Variants in LETM1 observed in about 807,000 individuals in gnomAD.
LETM1 encodes the protein leucine zipper and EF-hand containing transmembrane protein 1.
LETM1 carries 50 observed loss-of-function variants against 74.5 expected under a neutral mutation model. The ratio of observed to expected loss-of-function variants is 0.67; its 90% confidence interval spans 0.53 to 0.85. The LOEUF (loss-of-function observed/expected upper bound fraction) is 0.85, where lower values mean the gene tolerates loss of function less well. LETM1 is among the 40% of genes least tolerant of loss of function. The pLI is 0.00. For synonymous variants in LETM1, 446 were observed against 407.1 expected, an observed-to-expected ratio of 1.10 and a Z score of -1.15; for missense variants, 824 against 967.8, an observed-to-expected ratio of 0.85 and a Z score of 1.97.
chr4:1,835,262 C>T (rs559866420), intron 4 of LETM1, among the ~76,000 whole-genome samples: 6 of 151,868 alleles, frequency 4.0e-5, no homozygotes, highest in Admixed American at 6.6e-5. Context: ...CTGGCCAACA[C>T]GGTGAAACCC....
chr4:1,846,316 A>G (rs981637841), intron 2 of LETM1, among the ~76,000 whole-genome samples: 2 of 152,174 alleles, frequency 1.3e-5, no homozygotes, highest in African/African-American at 4.8e-5. Context: ...GCTGGAGTAC[A>G]GTGGCGCCAT....
At chr4:1,822,049 C>A in intron 10 of LETM1, 132 bp downstream of exon 10, 1 of 954,602 alleles carries the variant, frequency 1.0e-6, no homozygotes, top group Non-Finnish European at 1.4e-6. Flanking sequence ...ATCCTCAACC[C>A]CTTGCACCAT....
Position 1,832,799 on chromosome 4 carries a change from T to A in LETM1, c.1025A>T (p.Asn342Ile). 1 of 1,614,202 alleles carries A rather than the reference T, an allele frequency of 6.2e-7. No homozygotes were observed. Among genetic ancestry groups the A allele is most frequent in the Non-Finnish European group, 8.5e-7 (1 of 1,180,050 alleles). Residue 342 changes from asparagine (N) to isoleucine (I), a missense_variant, in exon 6 of 14, where the codon AAC becomes ATC. By Grantham distance (149) the Asn-to-Ile change is moderately radical (BLOSUM62 -3). Transcript: ENST00000302787. ...LLELQSIGTN[N>I]FLRFQLTMRL... ...CATGGTAAGCTGGAAGCGCAGGAAG[T>A]TGTTGGTGCCGATGGACTGTAGCTC...
chr4:1,851,651 C>G (rs951835896), intron 1 of LETM1, among the ~76,000 whole-genome samples: 8 of 152,246 alleles, frequency 5.3e-5, no homozygotes, highest in African/African-American at 1.7e-4. Context: ...CCTTCTCACT[C>G]CAGCTGAGAC....
chr4:1,851,454 C>T (rs927956763), intron 1 of LETM1, among the ~76,000 whole-genome samples: 1 of 152,186 alleles, frequency 6.6e-6, no homozygotes, highest in African/African-American at 2.4e-5. Context: ...CCTCATTTAA[C>T]AGGAGGCAAC....
intron 2 of LETM1, chr4:1,842,916 C>G (rs911337669): frequency 1.6e-5 from 4 of 255,830 alleles, no homozygotes; most frequent in Non-Finnish European, 2.4e-5. Flanking sequence ...GAGGCCCATT[C>G]AGCCTCACGA....
At chr4:1,829,683 G>C (rs1712187979) in intron 6 of LETM1, among the ~76,000 whole-genome samples, 1 of 152,200 alleles carries the variant, frequency 6.6e-6, no homozygotes, top group African/African-American at 2.4e-5. Flanking sequence ...TAGCCGGTGT[G>C]GTGGCACAGG....
Position 1,816,932 on chromosome 4 carries a change from G to T in LETM1, c.1744-18C>A. 6.2e-7 allele frequency: 1 copy of T among 1,601,770 alleles called. No individual in the cohort carries two copies. The highest frequency in any genetic ancestry group is 8.5e-7 in the Non-Finnish European group (1 of 1,171,060). ...TGCAAGTCCTAATAAAATTATTTTGGTTGTAAAAAGTTTGTCTTAAAAGAA... is the reference window on the plus strand; with the variant it reads ...TGCAAGTCCTAATAAAATTATTTTGTTTGTAAAAAGTTTGTCTTAAAAGAA... On this transcript the variant is annotated intron_variant, in intron 11 of 13. Coordinates refer to ENST00000302787, the MANE Select transcript of LETM1 (RefSeq NM_012318.3).
In LETM1 at chr4:1,836,687, A is replaced by G; in HGVS notation, c.595-115T>C. ...GGCACAACCTCAGGCAGCGACTCAC[A>G]GGACCCACTGAGGACTCTAAGTTCC... On this transcript the variant is annotated intron_variant, in intron 3 of 13. Coordinates refer to ENST00000302787, the MANE Select transcript of LETM1 (RefSeq NM_012318.3). This position sits in a 1 kb window ranked among gnomAD's most constrained non-coding sequence, Gnocchi z 5.8. 2 of 1,115,252 alleles carry G rather than the reference A, an allele frequency of 1.8e-6. No homozygotes were observed. The highest frequency in any genetic ancestry group is 1.4e-5 in the South Asian group (1 of 70,046). The allele number at this position is 1,115,252 out of a possible 1,614,324, so 69.1% of individuals were successfully genotyped here.
At chr4:1,843,839 A>G (rs921486297) in intron 2 of LETM1, among the ~76,000 whole-genome samples, 3 of 152,138 alleles carry the variant, frequency 2.0e-5, no homozygotes, top group African/African-American at 7.2e-5. Flanking sequence ...GTCTTGAGTC[A>G]AGGCGTGCCG....
intron 2 of LETM1, among the ~76,000 whole-genome samples, chr4:1,844,458 G>A (rs770242872): frequency 3.3e-5 from 5 of 152,192 alleles, no homozygotes; most frequent in African/African-American, 9.7e-5. Flanking sequence ...CCAGCAGGGC[G>A]CAGTGGCTCA....
intron 7 of LETM1, 58 bp downstream of exon 7, chr4:1,825,506 G>C (rs926896879): frequency 2.5e-6 from 4 of 1,574,774 alleles, no homozygotes; most frequent in Non-Finnish European, 3.5e-6. Context: ...GTGGCCTTTC[G>C]AGGCTGATGT....
intron 2 of LETM1, among the ~76,000 whole-genome samples, chr4:1,842,484 C>G (rs145001136): frequency 6.6e-6 from 1 of 152,214 alleles, no homozygotes; most frequent in Non-Finnish European, 1.5e-5. Context: ...TCACTCAGAC[C>G]TCCCTGACCA....
chr4:1,823,580 C>A lies in LETM1; in HGVS notation c.1332+64G>T, dbSNP rs200474737. 4.9e-5 allele frequency: 78 copies of A among 1,597,628 alleles called. No individual in the cohort carries two copies. The South Asian group carries it at 6.1e-4, about 12-fold the overall frequency. On this transcript the variant is annotated intron_variant, in intron 8 of 13. Transcript: ENST00000302787. Reference sequence around the variant, plus strand: ...ATGAGTGCGCTTGCACACCTCCCCCCACCCCAGAAGAGCGGAGCCACCTAT... The same window carrying A: ...ATGAGTGCGCTTGCACACCTCCCCCAACCCCAGAAGAGCGGAGCCACCTAT...
intron 4 of LETM1, among the ~76,000 whole-genome samples, chr4:1,835,450 A>AG (rs1560495309): frequency 6.6e-6 from 1 of 151,442 alleles, no homozygotes; most frequent in Admixed American, 6.6e-5. Flanking sequence ...CAAAAAAAAA[A>AG]CAAAAACAAA....
chr4:1,844,234 T>A (rs1349955964), intron 2 of LETM1, among the ~76,000 whole-genome samples: 1 of 152,214 alleles, frequency 6.6e-6, no homozygotes, highest in Non-Finnish European at 1.5e-5. Context: ...CCCATCAGCA[T>A]TCACGCTAAG....
In LETM1 at chr4:1,822,162, C is replaced by T. The variant is rs770643732; in HGVS notation, c.1608+19G>A. 11 of 1,391,566 alleles carry T rather than the reference C, an allele frequency of 7.9e-6. No homozygotes were observed. Among genetic ancestry groups the T allele is most frequent in the Non-Finnish European group, 9.4e-6 (10 of 1,058,678 alleles). 86.2% of individuals were successfully genotyped at this position (1,391,566 alleles called of 1,614,324 possible). On this transcript the variant is annotated intron_variant, in intron 10 of 13. Coordinates refer to ENST00000302787, the MANE Select transcript of LETM1 (RefSeq NM_012318.3). ...CATGCCCTCCTCAGCCTCCAGGGCCCCAGAACCTGCCTCATTACCTTCAAG... is the reference window on the plus strand; with the variant it reads ...CATGCCCTCCTCAGCCTCCAGGGCCTCAGAACCTGCCTCATTACCTTCAAG...
intron 3 of LETM1, among the ~76,000 whole-genome samples, chr4:1,840,261 C>CA (rs1213109944): frequency 9.9e-5 from 15 of 152,184 alleles, no homozygotes; most frequent in African/African-American, 3.6e-4. Context: ...CCTGTAGTCC[C>CA]AGCTACTCAG....
intron 10 of LETM1, 83 bp downstream of exon 10, chr4:1,822,098 G>A (rs1005159277): frequency 9.2e-6 from 12 of 1,300,196 alleles, no homozygotes; most frequent in Non-Finnish European, 1.0e-5. Context: ...CAGCTAACCT[G>A]TCCCCATCCC....
Sources: allele counts gnomAD v4.1 joint callset (sites outside exome capture counted in the v4.1 genomes callset), GRCh38; gene constraint gnomAD v4.1.1; non-coding constraint Gnocchi (gnomAD v3.1); transcripts MANE v1.5; gene names NCBI Gene and HGNC (gene_info 2026-07-23, HGNC 2026-07-21).